DPP6: variants seen among roughly 807,000 people sequenced by gnomAD.
The protein encoded by DPP6 is dipeptidyl peptidase like 6.
Under a neutral mutation model 122.6 loss-of-function variants are expected in DPP6, and 69 were observed. The observed-to-expected ratio is 0.56, with a 90% confidence interval of 0.46 to 0.69. The LOEUF is 0.69. DPP6 is among the 30% of genes least tolerant of loss of function. The pLI, the probability that DPP6 is intolerant of heterozygous loss-of-function variation, is 0.00. For missense variants in DPP6, 928 were observed against 1,116.9 expected, an observed-to-expected ratio of 0.83 and a Z score of 2.41; for synonymous variants, 418 against 433.1, an observed-to-expected ratio of 0.97 and a Z score of 0.43.
chr7:154,548,374 G>C, intron 4 of DPP6, among the ~76,000 whole-genome samples: 1 of 151,576 alleles, frequency 6.6e-6, no homozygotes. Context: ...AACCAGCCTG[G>C]CCAATATGGT....
At chr7:154,487,969 C>T (rs1008743811) in intron 3 of DPP6, among the ~76,000 whole-genome samples, 5 of 152,192 alleles carry the variant, frequency 3.3e-5, no homozygotes, top group African/African-American at 7.2e-5. Context: ...TGACAGCAAA[C>T]ATCTTGGGGG....
chr7:154,332,919 A>G (rs1215710599), intron 1 of DPP6, among the ~76,000 whole-genome samples: 1 of 152,142 alleles, frequency 6.6e-6, no homozygotes, highest in Non-Finnish European at 1.5e-5. Context: ...CTTGCCTTGG[A>G]AATGAGATTC....
intron 2 of DPP6, among the ~76,000 whole-genome samples, chr7:154,472,716 G>T (rs916069150): frequency 8.5e-5 from 13 of 152,180 alleles, no homozygotes; most frequent in African/African-American, 2.9e-4. Flanking sequence ...GATATCAGTT[G>T]AATGTGCAAA....
At chr7:153,817,011 C>T in the DPP6 span, among the ~76,000 whole-genome samples, 40,921 of 144,160 alleles carry the variant, frequency 0.28, 6,296 homozygotes, top group South Asian at 0.44. Flanking sequence ...TATGGGGAAA[C>T]ATAAAATTCT....
intron 2 of DPP6, among the ~76,000 whole-genome samples, chr7:154,459,700 C>G (rs1408993553): frequency 6.7e-6 from 1 of 150,282 alleles, no homozygotes; most frequent in East Asian, 2.0e-4. Context: ...GCCTGTAATC[C>G]CAGCTACTTG....
At chr7:154,188,299 G>GA (rs1408202395) in intron 1 of DPP6, among the ~76,000 whole-genome samples, 6 of 151,916 alleles carry the variant, frequency 3.9e-5, no homozygotes, top group Non-Finnish European at 5.9e-5. Context: ...TGAAACAAGT[G>GA]AAAAAAATAC....
chr7:154,503,555 G>A (rs1825426156), intron 3 of DPP6, among the ~76,000 whole-genome samples: 1 of 152,224 alleles, frequency 6.6e-6, no homozygotes, highest in African/African-American at 2.4e-5. Context: ...TTTTGCTTTA[G>A]AATCTGCGAT....
chr7:153,940,350 G>A lies in DPP6; in HGVS notation c.51+52616G>A, dbSNP rs570413991. Reference sequence around the variant, plus strand: ...GGTGGGATTGATATGGACAAAACACGCCGCAACTTAAGTGTTGAAGTCAAG... The same window carrying A: ...GGTGGGATTGATATGGACAAAACACACCGCAACTTAAGTGTTGAAGTCAAG... On this transcript the variant is annotated intron_variant, in intron 1 of 25. Coordinates refer to the DPP6 transcript ENST00000404039. 6.6e-5 allele frequency among the ~76,000 whole-genome samples: 10 copies of A among 152,202 alleles called. No individual in the cohort carries two copies. The South Asian group carries it at 1.5e-3, about 22-fold the overall frequency.
Position 154,052,743 on chromosome 7 carries a change from C to A in DPP6, c.-78C>A. ...GCCTTTTTTTTTTTTTAATCTGGAG[C>A]GGGGTGGGGAGTGGGAACCGGAGAG... On this transcript the variant is annotated 5_prime_UTR_variant, in exon 1 of 26. Transcript: ENST00000377770. The surrounding 1 kb of genome is among the most constrained non-coding windows in gnomAD (Gnocchi z 4.8). 4 of 1,291,736 alleles carry A rather than the reference C, an allele frequency of 3.1e-6. No homozygotes were observed. Among genetic ancestry groups the A allele is most frequent in the East Asian group, 4.3e-5 (1 of 23,222 alleles). 80.0% of individuals were successfully genotyped at this position (1,291,736 alleles called of 1,614,324 possible).
chr7:154,068,238 G>A (rs1175507571), intron 1 of DPP6, among the ~76,000 whole-genome samples: 1 of 151,452 alleles, frequency 6.6e-6, no homozygotes, highest in Admixed American at 6.6e-5. Context: ...CTGTGGTGGA[G>A]GTGTTTGTAT....
rs1367780875 is a variant in DPP6, at chr7:154,282,180, C to T, written c.244-164034C>T. Among the ~76,000 whole-genome samples, 3 of 151,986 alleles carry T rather than the reference C, an allele frequency of 2.0e-5. No individual in the cohort carries two copies. Among genetic ancestry groups the T allele is most frequent in the Non-Finnish European group, 4.4e-5 (3 of 68,004 alleles). On this transcript the variant is annotated intron_variant, in intron 1 of 25. Transcript: ENST00000377770. This position sits in a 1 kb window ranked among gnomAD's most constrained non-coding sequence, Gnocchi z 4.8. ...CATCTATAATTTTATTCTTTTTTCC[C>T]CTCCCTATTCCATTCTCTCTGTGGC...
At chr7:154,611,092 A>G (rs1219382761) in intron 5 of DPP6, among the ~76,000 whole-genome samples, 3 of 152,174 alleles carry the variant, frequency 2.0e-5, no homozygotes, top group Admixed American at 6.5e-5. Flanking sequence ...GGTTTCATGC[A>G]GCCATCTCTG....
At chr7:154,851,637 C>G (rs1287096220) in intron 16 of DPP6, among the ~76,000 whole-genome samples, 1 of 152,190 alleles carries the variant, frequency 6.6e-6, no homozygotes, top group South Asian at 2.1e-4. Context: ...TCGCTGTTCC[C>G]TCACTGGGTA....
intron 1 of DPP6, among the ~76,000 whole-genome samples, chr7:153,967,476 G>A (rs1387766354): frequency 1.3e-5 from 2 of 152,208 alleles, no homozygotes; most frequent in Non-Finnish European, 2.9e-5. Flanking sequence ...CAACTCCGTA[G>A]AATTACCAAG....
intron 8 of DPP6, among the ~76,000 whole-genome samples, chr7:154,764,482 A>G (rs1433692684): frequency 6.6e-6 from 1 of 152,096 alleles, no homozygotes; most frequent in African/African-American, 2.4e-5. Context: ...GCACACACCC[A>G]ACCTCACATC....
chr7:153,925,966 C>T (rs1207851298), intron 1 of DPP6, among the ~76,000 whole-genome samples: 2 of 152,112 alleles, frequency 1.3e-5, no homozygotes, highest in Non-Finnish European at 2.9e-5. Flanking sequence ...TTGATGATTC[C>T]TGCCGACCAC....
the DPP6 span, among the ~76,000 whole-genome samples, chr7:153,846,749 G>C: frequency 7.4e-6 from 1 of 135,676 alleles, no homozygotes; most frequent in Admixed American, 8.0e-5. Context: ...CTGGAGTGCA[G>C]TGGCGCAATC....
At chr7:154,533,997 C>CA (rs34678693) in intron 3 of DPP6, among the ~76,000 whole-genome samples, 43,814 of 143,868 alleles carry the variant, frequency 0.3, 6,614 homozygotes, top group Non-Finnish European at 0.35. Context: ...GACCCTGTCT[C>CA]AAAAAAAAAA....
intron 1 of DPP6, among the ~76,000 whole-genome samples, chr7:154,239,617 A>G (rs1446123680): frequency 6.6e-6 from 1 of 152,118 alleles, no homozygotes; most frequent in East Asian, 1.9e-4. Context: ...TGTTTATATC[A>G]TTGGTAAGGC....
Sources: allele counts gnomAD v4.1 joint callset (sites outside exome capture counted in the v4.1 genomes callset), GRCh38; gene constraint gnomAD v4.1.1; non-coding constraint Gnocchi (gnomAD v3.1); transcripts MANE v1.5; gene names NCBI Gene and HGNC (gene_info 2026-07-23, HGNC 2026-07-21).